Variants in KCNQ1 observed in about 807,000 individuals in gnomAD.
The protein encoded by KCNQ1 is potassium voltage-gated channel subfamily Q member 1, also known as potassium voltage-gated channel subfamily KQT member 1.
In KCNQ1, 49 loss-of-function variants were observed where a neutral mutation model predicts 72.4. That is an observed-to-expected ratio of 0.68 (90% CI 0.54 to 0.86). KCNQ1 has a LOEUF of 0.86. Among genes scored for constraint, KCNQ1 ranks in the 40% least tolerant of loss-of-function variants. KCNQ1 has a pLI of 0.00. For synonymous variants in KCNQ1, 450 were observed against 412.6 expected, an observed-to-expected ratio of 1.09 and a Z score of -1.10; for missense variants, 790 against 945.1, an observed-to-expected ratio of 0.84 and a Z score of 2.15.
intron 6 of KCNQ1, 74 bp from the exon 7 acceptor site, chr11:2,583,361 G>C: frequency 1.0e-6 from 1 of 998,332 alleles, no homozygotes; most frequent in Admixed American, 1.7e-5. Context: ...CAGAGTGGTG[G>C]GTTTGGGTTA....
Position 2,690,412 on chromosome 11 carries a change from G to A in KCNQ1, c.1514+28331G>A, listed in dbSNP as rs1016055329. 8 of 398,572 alleles carry A rather than the reference G, an allele frequency of 2.0e-5. No homozygotes were observed. The highest frequency in any genetic ancestry group is 6.2e-4 in the Middle Eastern group (1 of 1,610). 24.7% of individuals were successfully genotyped at this position (398,572 alleles called of 1,614,324 possible). A position where few individuals can be genotyped will look rare whatever the true frequency, so the allele number is the denominator to read the frequency against. On this transcript the variant is annotated intron_variant, in intron 11 of 15. Coordinates refer to ENST00000155840, the MANE Select transcript of KCNQ1 (RefSeq NM_000218.3). This position sits in a 1 kb window ranked among gnomAD's most constrained non-coding sequence, Gnocchi z 5.1. Reference sequence around the variant, plus strand: ...CCAAAAGAGCTATCTCTCTCCCTGCGAAAGGCTGGGGTCCTGGGAGCTAGA... The same window carrying A: ...CCAAAAGAGCTATCTCTCTCCCTGCAAAAGGCTGGGGTCCTGGGAGCTAGA...
chr11:2,822,076 CAG>C (rs1353255008), intron 15 of KCNQ1, among the ~76,000 whole-genome samples: 1 of 152,182 alleles, frequency 6.6e-6, no homozygotes, highest in East Asian at 1.9e-4. Flanking sequence ...AAGCAGAGCT[CAG>C]AGAGGCTGAA....
At chr11:2,680,998 A>G (rs1850387536) in intron 11 of KCNQ1, 7 of 398,396 alleles carry the variant, frequency 1.8e-5, no homozygotes, top group Non-Finnish European at 2.7e-5. Flanking sequence ...TGAAATAGGT[A>G]TGTGTTCTTT....
intron 11 of KCNQ1, among the ~76,000 whole-genome samples, chr11:2,754,125 G>A (rs1446567133): frequency 6.6e-6 from 1 of 152,242 alleles, no homozygotes; most frequent in Non-Finnish European, 1.5e-5. Flanking sequence ...CCACAGTGAG[G>A]TTTACACCCA....
chr11:2,543,819 G>A lies in KCNQ1; in HGVS notation c.477+15801G>A, dbSNP rs1847861303. ...GGAGATTCATGTGTTTTTTCTTATG[G>A]ATGACTGACTGGTCCAGTGTCATTT... On this transcript the variant is annotated intron_variant, in intron 2 of 15. Transcript: ENST00000155840. This position sits in a 1 kb window ranked among gnomAD's most constrained non-coding sequence, Gnocchi z 5.6. Among the ~76,000 whole-genome samples, 1 of 152,042 alleles carries A rather than the reference G, an allele frequency of 6.6e-6. No homozygotes were observed. Among genetic ancestry groups the A allele is most frequent in the South Asian group, 2.1e-4 (1 of 4,812 alleles).
At chr11:2,771,074 G>A (rs544827466) in intron 12 of KCNQ1, among the ~76,000 whole-genome samples, 1 of 152,246 alleles carries the variant, frequency 6.6e-6, no homozygotes, top group Non-Finnish European at 1.5e-5. Flanking sequence ...CTGGTGTCTG[G>A]CCTGAGGGTG....
intron 1 of KCNQ1, among the ~76,000 whole-genome samples, chr11:2,525,149 G>A (rs1216097567): frequency 6.6e-6 from 1 of 152,194 alleles, no homozygotes; most frequent in East Asian, 1.9e-4. Context: ...CTGCAGCTTG[G>A]CACAAAGACT....
In KCNQ1 at chr11:2,668,324, T is replaced by C. The variant is rs1850120440; in HGVS notation, c.1514+6243T>C. On this transcript the variant is annotated intron_variant, in intron 11 of 15. Coordinates refer to ENST00000155840, the MANE Select transcript of KCNQ1 (RefSeq NM_000218.3). The surrounding 1 kb of genome is among the most constrained non-coding windows in gnomAD (Gnocchi z 4.3). ...TGCGTTTCTGGGGAATATATGCCTA[T>C]GTGTGGAGCTGCAGGGTCCTGGGTG... 7.5e-6 allele frequency: 3 copies of C among 398,540 alleles called. No individual in the cohort carries two copies. Among genetic ancestry groups the C allele is most frequent in the Non-Finnish European group, 1.3e-5 (3 of 226,096 alleles). 24.7% of individuals were successfully genotyped at this position (398,540 alleles called of 1,614,324 possible).
At chr11:2,465,809 C>T (rs565328612) in intron 1 of KCNQ1, among the ~76,000 whole-genome samples, 3 of 152,332 alleles carry the variant, frequency 2.0e-5, no homozygotes, top group East Asian at 1.9e-4. Context: ...TACAGATCCA[C>T]GGCTCCCCTT....
chr11:2,716,087 G>A (rs1377402738), intron 11 of KCNQ1, among the ~76,000 whole-genome samples: 2 of 152,314 alleles, frequency 1.3e-5, no homozygotes, highest in African/African-American at 4.8e-5. Flanking sequence ...CCACCGCCGG[G>A]GTCGGAGCCC....
rs774725539 is a variant in KCNQ1, at chr11:2,601,085, T to TAAAAAA, written c.1393+12241_1393+12246dup. Among the ~76,000 whole-genome samples, 6 of 139,080 alleles carry TAAAAAA rather than the reference T, an allele frequency of 4.3e-5. No individual in the cohort carries two copies. The highest frequency in any genetic ancestry group is 1.6e-4 in the African/African-American group (6 of 38,486). 91.2% of individuals were successfully genotyped at this position (139,080 alleles called of 152,430 possible). Reference sequence around the variant, plus strand: ...GCCATGCATATACCCTGCTACTTGTTAAAAAAAAAAAAAAAGTCTCTCCAG... The same window carrying TAAAAAA: ...GCCATGCATATACCCTGCTACTTGTTAAAAAAAAAAAAAAAAAAAAAGTCTCTCCAG... On this transcript the variant is annotated intron_variant, in intron 10 of 15. Transcript: ENST00000155840. The surrounding 1 kb of genome is among the most constrained non-coding windows in gnomAD (Gnocchi z 5.2).
intron 10 of KCNQ1, chr11:2,640,255 C>T (rs776440924): frequency 2.0e-5 from 8 of 397,204 alleles, no homozygotes; most frequent in Non-Finnish European, 3.5e-5. Flanking sequence ...GATGAACCCA[C>T]TACCTCAGTT....
rs115506088 is a variant in KCNQ1, at chr11:2,607,967, A to G, written c.1393+19113A>G. 4.5e-3 allele frequency among the ~76,000 whole-genome samples: 685 copies of G among 152,364 alleles called. 4 individuals carry two copies. Among genetic ancestry groups the G allele is most frequent in the African/African-American group, 0.015 (627 of 41,584 alleles). On this transcript the variant is annotated intron_variant, in intron 10 of 15. Coordinates refer to ENST00000155840, the MANE Select transcript of KCNQ1 (RefSeq NM_000218.3). Reference sequence around the variant, plus strand: ...TATACACTGTCAAAAACAATCTGAAAATAAGAAAACAATTCTATTTACAAC... The same window carrying G: ...TATACACTGTCAAAAACAATCTGAAGATAAGAAAACAATTCTATTTACAAC...
At position 2,483,388 on chromosome 11, in the gene KCNQ1, A is replaced by G. The variant is rs925673434; in HGVS notation, c.386+37904A>G. 6.6e-6 allele frequency among the ~76,000 whole-genome samples: 1 copy of G among 152,194 alleles called. No homozygotes were observed. The highest frequency in any genetic ancestry group is 1.5e-5 in the Non-Finnish European group (1 of 68,030). On this transcript the variant is annotated intron_variant, in intron 1 of 15. Coordinates refer to ENST00000155840, the MANE Select transcript of KCNQ1 (RefSeq NM_000218.3). The surrounding 1 kb of genome is among the most constrained non-coding windows in gnomAD (Gnocchi z 6.1). ...GAGTTCCTGTGGACTCCTAGTATTA[A>G]CATCTTAATAACGGGGTGTATTGAC...
chr11:2,499,773 T>A (rs10766136), intron 1 of KCNQ1, among the ~76,000 whole-genome samples: 83,164 of 151,974 alleles, frequency 0.55, 23,802 homozygotes, highest in Non-Finnish European at 0.64. Flanking sequence ...ATATAACAAT[T>A]TCAAAGAAAC....
chr11:2,655,892 T>G lies in KCNQ1; in HGVS notation c.1394-6069T>G, dbSNP rs901948201. 6.0e-5 allele frequency: 24 copies of G among 398,752 alleles called. No homozygotes were observed. In the East Asian group the frequency reaches 8.2e-4, roughly 14 times the overall value. 24.7% of individuals were successfully genotyped at this position (398,752 alleles called of 1,614,324 possible). The stretch of plus-strand genomic sequence containing the variant: ...TGGAGGCCTTCTCTGCCCCTTGTTA[T>G]AGGGGCCCCATATGCCGTTCCCAGG... On this transcript the variant is annotated intron_variant, in intron 10 of 15. Coordinates refer to ENST00000155840, the MANE Select transcript of KCNQ1 (RefSeq NM_000218.3).
intron 15 of KCNQ1, among the ~76,000 whole-genome samples, chr11:2,805,472 C>T (rs773139922): frequency 6.6e-6 from 1 of 152,258 alleles, no homozygotes; most frequent in Non-Finnish European, 1.5e-5. Flanking sequence ...AAGGTCCTCA[C>T]TGCACTCATC....
chr11:2,843,273 T>A (rs184236790), intron 15 of KCNQ1, among the ~76,000 whole-genome samples: 1 of 152,336 alleles, frequency 6.6e-6, no homozygotes, highest in African/African-American at 2.4e-5. Flanking sequence ...CTATTGCCAC[T>A]TGTGCCCAGC....
chr11:2,799,194 C>G (rs937031114), intron 15 of KCNQ1, among the ~76,000 whole-genome samples: 4 of 152,204 alleles, frequency 2.6e-5, no homozygotes, highest in Admixed American at 2.6e-4. Flanking sequence ...AGTGAGAGAG[C>G]AGCGCAGGAG....
Sources: gnomAD v4.1 joint callset for allele counts (sites outside exome capture counted in the v4.1 genomes callset) on GRCh38, gnomAD v4.1.1 for gene constraint, Gnocchi (gnomAD v3.1) non-coding constraint, MANE v1.5 for transcripts, NCBI Gene and HGNC (gene_info 2026-07-23, HGNC 2026-07-21) for gene names.